RAPGEF5: variants seen among roughly 807,000 people sequenced by gnomAD.
RAPGEF5 encodes Rap guanine nucleotide exchange factor 5.
Under a neutral mutation model 125.2 loss-of-function variants are expected in RAPGEF5, and 65 were observed. That is an observed-to-expected ratio of 0.52 (90% CI 0.43 to 0.64). RAPGEF5 has a LOEUF of 0.64. Among genes scored for constraint, RAPGEF5 ranks in the 30% least tolerant of loss-of-function variants. The probability of loss-of-function intolerance (pLI) is 0.00; values close to 1 mark genes in which losing one functional copy is unlikely to be tolerated. For missense variants in RAPGEF5, 958 were observed against 1,048.1 expected (o/e 0.91, Z 1.19); for synonymous variants, 391 against 385.9 (o/e 1.01, Z -0.16).
rs888458288 is a variant in RAPGEF5, at chr7:22,317,874, T to C, written c.282+113A>G. On this transcript the variant is annotated intron_variant, in intron 2 of 25. Transcript: ENST00000665637. ...GATAATGTGATCACTGCAGCATCCC[T>C]GCAAAACTCTATGTGGTCAGGAGCA... The C allele has an allele frequency of 4.9e-6, 7 of 1,424,356 alleles. No individual in the cohort carries two copies. In the Admixed American group the frequency reaches 1.7e-4, roughly 35 times the overall value. 88.2% of individuals were successfully genotyped at this position (1,424,356 alleles called of 1,614,324 possible).
At chr7:22,153,533 A>T (rs1399590878) in intron 17 of RAPGEF5, among the ~76,000 whole-genome samples, 11 of 152,328 alleles carry the variant, frequency 7.2e-5, no homozygotes. Context: ...ACCAGCTTGT[A>T]GGACCATTTT....
chr7:22,337,745 T>C (rs1583588954), intron 1 of RAPGEF5, among the ~76,000 whole-genome samples: 1 of 152,218 alleles, frequency 6.6e-6, no homozygotes, highest in Admixed American at 6.5e-5. Context: ...AGTGGGACCA[T>C]GTCCAGCGTG....
intron 5 of RAPGEF5, among the ~76,000 whole-genome samples, chr7:22,302,333 T>A (rs1467908792): frequency 6.6e-6 from 1 of 152,106 alleles, no homozygotes; most frequent in Non-Finnish European, 1.5e-5. Flanking sequence ...GAACAGGGTG[T>A]ATATGGGAGC....
intron 25 of RAPGEF5, among the ~76,000 whole-genome samples, chr7:22,123,498 G>A (rs1319594838): frequency 6.6e-6 from 1 of 152,206 alleles, no homozygotes; most frequent in Non-Finnish European, 1.5e-5. Context: ...AGTTTGAGCA[G>A]AGGGAAGGGA....
chr7:22,335,751 T>C (rs1316964998), intron 1 of RAPGEF5, among the ~76,000 whole-genome samples: 4 of 150,268 alleles, frequency 2.7e-5, no homozygotes, highest in Non-Finnish European at 5.9e-5. Context: ...AAAGCTGTCC[T>C]AAAGGCAAAT....
At chr7:22,178,320 C>T (rs1784572313) in intron 11 of RAPGEF5, among the ~76,000 whole-genome samples, 1 of 152,166 alleles carries the variant, frequency 6.6e-6, no homozygotes, top group Non-Finnish European at 1.5e-5. Flanking sequence ...CATTTTTCTA[C>T]TCTCAACACA....
At chr7:22,230,182 G>A (rs781714159) in intron 8 of RAPGEF5, among the ~76,000 whole-genome samples, 1 of 152,164 alleles carries the variant, frequency 6.6e-6, no homozygotes, top group African/African-American at 2.4e-5. Context: ...TTGGAAGCCT[G>A]CAGTATAATT....
intron 11 of RAPGEF5, among the ~76,000 whole-genome samples, chr7:22,190,067 A>C (rs5014150): frequency 2.6e-5 from 4 of 152,156 alleles, no homozygotes; most frequent in Non-Finnish European, 5.9e-5. Flanking sequence ...GGATCACGAG[A>C]TCAGGAGTTC....
chr7:22,279,467 A>G (rs1285163015), intron 6 of RAPGEF5, among the ~76,000 whole-genome samples: 1 of 152,186 alleles, frequency 6.6e-6, no homozygotes, highest in Admixed American at 6.5e-5. Flanking sequence ...TATTAGTATT[A>G]TAGGTAAGAG....
chr7:22,265,185 G>C (rs769981134), intron 7 of RAPGEF5, among the ~76,000 whole-genome samples: 1 of 151,968 alleles, frequency 6.6e-6, no homozygotes, highest in African/African-American at 2.4e-5. Flanking sequence ...CTATATCCAC[G>C]ATACTGTGCT....
intron 19 of RAPGEF5, among the ~76,000 whole-genome samples, chr7:22,146,118 A>T (rs1306562060): frequency 6.6e-6 from 1 of 152,178 alleles, no homozygotes; most frequent in Non-Finnish European, 1.5e-5. Flanking sequence ...TCACATTCTG[A>T]TCATAATATT....
At chr7:22,144,948 A>T (rs929062160) in intron 20 of RAPGEF5, 96 bp downstream of exon 20, 7 of 1,384,926 alleles carry the variant, frequency 5.1e-6, no homozygotes, top group Admixed American at 5.2e-5. Flanking sequence ...ACACGTTTAT[A>T]TCCCAACCCT....
chr7:22,158,897 G>C (rs2128110555), intron 14 of RAPGEF5, among the ~76,000 whole-genome samples: 1 of 152,306 alleles, frequency 6.6e-6, no homozygotes, highest in South Asian at 2.1e-4. Flanking sequence ...GACTCCCAAA[G>C]TGCTGGGATT....
At chr7:22,247,923 T>C (rs761328137) in intron 7 of RAPGEF5, among the ~76,000 whole-genome samples, 3 of 151,974 alleles carry the variant, frequency 2.0e-5, no homozygotes, top group Non-Finnish European at 4.4e-5. Flanking sequence ...AGCTAAACAA[T>C]GGGTACTTAT....
Position 22,316,018 on chromosome 7 carries a change from C to T in RAPGEF5, c.283-542G>A, listed in dbSNP as rs575938511. 2.8e-4 allele frequency among the ~76,000 whole-genome samples: 42 copies of T among 152,164 alleles called. No homozygotes were observed. In the South Asian group the frequency reaches 4.2e-3, roughly 15 times the overall value. On this transcript the variant is annotated intron_variant, in intron 2 of 25. Coordinates refer to ENST00000665637, the MANE Select transcript of RAPGEF5 (RefSeq NM_012294.5). ...GAGTTCAAAGTCAATTCCAAGCATC[C>T]GGTTTCATCTACTTCATAATTCCAA... is the stretch of plus-strand genomic sequence containing the variant.
intron 1 of RAPGEF5, among the ~76,000 whole-genome samples, chr7:22,327,795 G>C (rs2128157051): frequency 6.6e-6 from 1 of 152,314 alleles, no homozygotes; most frequent in Non-Finnish European, 1.5e-5. Context: ...TCAGACATCA[G>C]AGACACCTAA....
At chr7:22,124,938 A>T (rs1211391135) in intron 25 of RAPGEF5, among the ~76,000 whole-genome samples, 1 of 152,170 alleles carries the variant, frequency 6.6e-6, no homozygotes, top group Non-Finnish European at 1.5e-5. Flanking sequence ...TCAGGATTCC[A>T]TTGCCCATGT....
chr7:22,240,600 T>C (rs557071530), intron 7 of RAPGEF5, among the ~76,000 whole-genome samples: 86 of 152,210 alleles, frequency 5.7e-4, no homozygotes, highest in African/African-American at 2.0e-3. Flanking sequence ...CTTGGACTCC[T>C]GACCTCAAGT....
intron 19 of RAPGEF5, 27 bp downstream of exon 19, chr7:22,146,870 T>C: frequency 1.2e-6 from 2 of 1,602,948 alleles, no homozygotes; most frequent in Non-Finnish European, 1.7e-6. Context: ...ACAGCATTTG[T>C]ATTTTATCTT....
Sources: gnomAD v4.1 joint callset for allele counts (sites outside exome capture counted in the v4.1 genomes callset) on GRCh38, gnomAD v4.1.1 for gene constraint, MANE v1.5 for transcripts, NCBI Gene and HGNC (gene_info 2026-07-23, HGNC 2026-07-21) for gene names.